Variants in ZSCAN31 observed in about 807,000 individuals in gnomAD.
ZSCAN31 encodes the protein zinc finger and SCAN domain containing 31, also known as zinc finger and SCAN domain-containing protein 31.
A neutral mutation model predicts 22.5 loss-of-function variants in ZSCAN31; 14 were observed. That is an observed-to-expected ratio of 0.62 (90% CI 0.41 to 0.97). The LOEUF (loss-of-function observed/expected upper bound fraction) is 0.97. Ranked by LOEUF, ZSCAN31 falls within the 50% of genes least tolerant of loss-of-function variation. The probability of loss-of-function intolerance (pLI) is 0.00; values close to 1 mark genes in which losing one functional copy is unlikely to be tolerated. For missense variants in ZSCAN31, 424 were observed against 483.4 expected (o/e 0.88, Z 1.15); for synonymous variants, 168 against 169.8 (o/e 0.99, Z 0.08).
intron 2 of ZSCAN31, among the ~76,000 whole-genome samples, chr6:28,343,747 C>T (rs1414484734): frequency 6.6e-6 from 1 of 151,988 alleles, no homozygotes; most frequent in Non-Finnish European, 1.5e-5. Flanking sequence ...CCAGGATAGT[C>T]TTGATCTCCT....
chr6:28,326,209 A>G lies in ZSCAN31; in HGVS notation c.1178T>C (p.Leu393Pro). Residue 393 changes from leucine to proline, a missense_variant, in exon 4 of 4, where the codon CTT (leucine) becomes CCT (proline). Coordinates refer to ENST00000344279, the MANE Select transcript of ZSCAN31 (RefSeq NM_030899.5). ...GTGGATTTTCTGATGTTTCTTAAGA[A>G]GTGTCCGCTTACTAAAGAGTTTACT... ...QCSKLFSKRT[L>P]LKKHQKIHTG... The G allele has an allele frequency of 6.2e-7, 1 of 1,612,970 alleles. No homozygotes were observed. The highest frequency in any genetic ancestry group is 8.5e-7 in the Non-Finnish European group (1 of 1,179,292).
chr6:28,354,880 A>G (rs2113903950), upstream of ZSCAN31, among the ~76,000 whole-genome samples: 1 of 152,324 alleles, frequency 6.6e-6, no homozygotes, highest in South Asian at 2.1e-4. Flanking sequence ...CCACAAGGTT[A>G]AGCCTTGATA....
rs1764413151 is a variant in ZSCAN31, at chr6:28,341,530, A to C, written c.-324+216T>G. ...CAAGTCCTCACCTTTTAATGCCATC[A>C]CCTTAGGGGCTAGGTTTAAACATAA... On this transcript the variant is annotated intron_variant, in intron 3 of 7. Coordinates refer to the ZSCAN31 transcript ENST00000396838. Among the ~76,000 whole-genome samples, 3 of 152,154 alleles carry C rather than the reference A, an allele frequency of 2.0e-5. No homozygotes were observed. In the South Asian group the frequency reaches 6.2e-4, roughly 32 times the overall value.
At chr6:28,340,881 T>C (rs1288482449), upstream of ZSCAN31, among the ~76,000 whole-genome samples, 1 of 152,216 alleles carries the variant, frequency 6.6e-6, no homozygotes, top group Non-Finnish European at 1.5e-5. Flanking sequence ...TGAAGTTTTT[T>C]GTTTTTCTTT....
chr6:28,353,502 CATTACAA>C lies in ZSCAN31; in HGVS notation c.-371+353_-371+359del, dbSNP rs1263099313. Reference sequence around the variant, plus strand: ...TCCCTCCTAAAATACAGAAATCATCCATTACAAAGTGATGACTCTGACGAAACCTGAT... The same window carrying C: ...TCCCTCCTAAAATACAGAAATCATCCAGTGATGACTCTGACGAAACCTGAT... On this transcript the variant is annotated intron_variant, in intron 2 of 7. Transcript: ENST00000396838. 1.8e-5 allele frequency: 3 copies of C among 170,210 alleles called. No individual in the cohort carries two copies. In the East Asian group the frequency reaches 4.7e-4, roughly 26 times the overall value. The allele number at this position is 170,210 out of a possible 1,614,324, so 10.5% of individuals were successfully genotyped here.
At chr6:28,336,984 A>T (rs1308023430), upstream of ZSCAN31, 1 of 152,212 alleles carries the variant, frequency 6.6e-6, no homozygotes, top group Non-Finnish European at 1.5e-5. Flanking sequence ...CGTAAAACAG[A>T]CGTGCATGTG....
chr6:28,338,918 T>C (rs904787388), upstream of ZSCAN31, among the ~76,000 whole-genome samples: 1 of 152,228 alleles, frequency 6.6e-6, no homozygotes, highest in East Asian at 1.9e-4. Flanking sequence ...GCTACAAGAT[T>C]TCAGGACATT....
Position 28,326,132 on chromosome 6 carries a change from A to G in ZSCAN31, c.*34T>C. 1.3e-6 allele frequency: 2 copies of G among 1,552,150 alleles called. No homozygotes were observed. The highest frequency in any genetic ancestry group is 1.7e-6 in the Non-Finnish European group (2 of 1,144,048). On this transcript the variant is annotated 3_prime_UTR_variant, in exon 4 of 4. Coordinates refer to ENST00000344279, the MANE Select transcript of ZSCAN31 (RefSeq NM_030899.5). ...TTCTAAAATGCCTAATAAGGTTGCA[A>G]TGATGACTGAAGGCTTTCCCAAACT...
At chr6:28,338,524 G>C (rs1018892273), upstream of ZSCAN31, among the ~76,000 whole-genome samples, 3 of 151,992 alleles carry the variant, frequency 2.0e-5, no homozygotes, top group Non-Finnish European at 4.4e-5. Flanking sequence ...GGGTGGAGTG[G>C]TGTGATCACT....
chr6:28,326,653 C>G lies in ZSCAN31; in HGVS notation c.734G>C (p.Gly245Ala). Residue 245 changes from glycine (G) to alanine (A), a missense_variant, in exon 4 of 4, where the codon GGG becomes GCG. By Grantham distance (60) the Gly-to-Ala change is moderately conservative. Coordinates refer to ENST00000344279, the MANE Select transcript of ZSCAN31 (RefSeq NM_030899.5). Reference sequence around the variant, plus strand: ...TACTGAACTCTTAGTGAAGCTTTTCCCACATTCATTGCACCTGTGGCGTCT... The same window carrying G: ...TACTGAACTCTTAGTGAAGCTTTTCGCACATTCATTGCACCTGTGGCGTCT... Reference protein sequence around the residue: ...GERRHRCNECGKSFTKSSVLI... With the variant: ...GERRHRCNECAKSFTKSSVLI... 6.2e-7 allele frequency: 1 copy of G among 1,614,142 alleles called. No homozygotes were observed. The highest frequency in any genetic ancestry group is 1.1e-5 in the South Asian group (1 of 91,082).
At chr6:28,342,032 G>A (rs1764435496) in intron 2 of ZSCAN31, among the ~76,000 whole-genome samples, 1 of 152,134 alleles carries the variant, frequency 6.6e-6, no homozygotes, top group Non-Finnish European at 1.5e-5. Flanking sequence ...AGATGCATTG[G>A]AAGAAGGCAA....
At chr6:28,356,049 C>T (rs1396733494), upstream of ZSCAN31, 4 of 152,282 alleles carry the variant, frequency 2.6e-5, no homozygotes, top group African/African-American at 7.2e-5. Context: ...CACTGACCAG[C>T]TTTCATAACC....
intron 2 of ZSCAN31, among the ~76,000 whole-genome samples, chr6:28,327,825 G>A (rs1763413139): frequency 6.6e-6 from 1 of 152,142 alleles, no homozygotes; most frequent in East Asian, 1.9e-4. Flanking sequence ...AGGCAGACGA[G>A]ATGGTATATA....
At chr6:28,342,063 T>C (rs1307303949) in intron 2 of ZSCAN31, among the ~76,000 whole-genome samples, 2 of 152,156 alleles carry the variant, frequency 1.3e-5, no homozygotes, top group African/African-American at 4.8e-5. Context: ...TGATTATGAA[T>C]GTAAGGCAAA....
intron 2 of ZSCAN31, among the ~76,000 whole-genome samples, chr6:28,342,841 C>T (rs749485706): frequency 4.6e-5 from 7 of 152,156 alleles, no homozygotes; most frequent in African/African-American, 9.7e-5. Context: ...GGCTGTGTCC[C>T]GAAGAGGAAA....
intron 2 of ZSCAN31, among the ~76,000 whole-genome samples, chr6:28,346,342 C>CTATTTT (rs1764640060): frequency 1.1e-5 from 1 of 87,780 alleles, no homozygotes; most frequent in Admixed American, 1.4e-4. Flanking sequence ...TCAGTACAAT[C>CTATTTT]TTTTTTTTTT....
upstream of ZSCAN31, chr6:28,355,554 G>A (rs1765369414): frequency 6.6e-6 from 1 of 152,154 alleles, no homozygotes; most frequent in African/African-American, 2.4e-5. Context: ...GTTTAAATGG[G>A]TGCCCCGATC....
At chr6:28,330,377 C>T (rs1302448700) in intron 1 of ZSCAN31, among the ~76,000 whole-genome samples, 1 of 152,132 alleles carries the variant, frequency 6.6e-6, no homozygotes. Flanking sequence ...ATGCCACCAA[C>T]GTTTTGTGGC....
Position 28,351,815 on chromosome 6 carries a change from A to G in ZSCAN31, c.-371+2047T>C, listed in dbSNP as rs545953000. ...ATTTTATAGCAAATTGCAGATGGAA[A>G]CATTTTAGTTCACTCACAAGTACAA... is the stretch of plus-strand genomic sequence containing the variant. On this transcript the variant is annotated intron_variant, in intron 2 of 7. Coordinates refer to the ZSCAN31 transcript ENST00000396838. This position sits in a 1 kb window ranked among gnomAD's most constrained non-coding sequence, Gnocchi z 4.6. Among the ~76,000 whole-genome samples, 1 of 152,050 alleles carries G rather than the reference A, an allele frequency of 6.6e-6. No individual in the cohort carries two copies. The highest frequency in any genetic ancestry group is 1.5e-5 in the Non-Finnish European group (1 of 68,006).
Sources: allele counts gnomAD v4.1 joint callset (sites outside exome capture counted in the v4.1 genomes callset), GRCh38; gene constraint gnomAD v4.1.1; non-coding constraint Gnocchi (gnomAD v3.1); transcripts MANE v1.5; gene names NCBI Gene and HGNC (gene_info 2026-07-23, HGNC 2026-07-21).